The following GLIS3 variants were observed in gnomAD, a reference collection of about 807,000 sequenced individuals.
The protein encoded by GLIS3 is GLIS family zinc finger 3, also known as zinc finger protein GLIS3.
GLIS3 carries 53 observed loss-of-function variants against 78.6 expected under a neutral mutation model. That is an observed-to-expected ratio of 0.67 (90% CI 0.54 to 0.85). GLIS3 has a LOEUF of 0.85. Ranked by LOEUF, GLIS3 falls within the 40% of genes least tolerant of loss-of-function variation. The probability of loss-of-function intolerance (pLI) is 0.00; values close to 1 mark genes in which losing one functional copy is unlikely to be tolerated. For synonymous variants in GLIS3, 684 were observed against 509.9 expected, an observed-to-expected ratio of 1.34 and a Z score of -4.60; for missense variants, 1,703 against 1,231.1, an observed-to-expected ratio of 1.38 and a Z score of -5.74.
chr9:4,071,221 G>C (rs1827577509), intron 4 of GLIS3: 1 of 152,094 alleles, frequency 6.6e-6, no homozygotes, highest in Admixed American at 6.6e-5. Flanking sequence ...ATGATGTATG[G>C]GAAATGTCCC....
intron 4 of GLIS3, among the ~76,000 whole-genome samples, chr9:3,967,419 C>T (rs985614538): frequency 2.6e-5 from 4 of 152,066 alleles, no homozygotes; most frequent in Non-Finnish European, 4.4e-5. Context: ...AGGAGAATCA[C>T]TTGAACCCAG....
chr9:4,135,738 A>G (rs984794664), intron 2 of GLIS3, among the ~76,000 whole-genome samples: 1 of 152,182 alleles, frequency 6.6e-6, no homozygotes, highest in Non-Finnish European at 1.5e-5. Flanking sequence ...GAACTTTGAA[A>G]AGTATATTCT....
the GLIS3 span, among the ~76,000 whole-genome samples, chr9:4,448,729 T>G: frequency 2.0e-5 from 3 of 152,226 alleles, no homozygotes; most frequent in African/African-American, 7.2e-5. Context: ...TATGTCCTTT[T>G]GATCCCTAGC....
At chr9:4,286,703 ACT>A (rs1828033078) in intron 1 of GLIS3, among the ~76,000 whole-genome samples, 180 bp from the exon 2 acceptor site, 1 of 152,304 alleles carries the variant, frequency 6.6e-6, no homozygotes, top group Admixed American at 6.5e-5. Flanking sequence ...CCCCTTCTGC[ACT>A]CATGGTGGAC....
At chr9:4,156,942 C>A (rs1457691988) in intron 2 of GLIS3, among the ~76,000 whole-genome samples, 1 of 152,166 alleles carries the variant, frequency 6.6e-6, no homozygotes, top group Non-Finnish European at 1.5e-5. Flanking sequence ...TGTCCTCACT[C>A]CATATCTACC....
intron 2 of GLIS3, among the ~76,000 whole-genome samples, chr9:4,272,287 T>C (rs1481728289): frequency 2.0e-5 from 3 of 152,140 alleles, no homozygotes; most frequent in Non-Finnish European, 4.4e-5. Flanking sequence ...AAAATAAACA[T>C]ATGCCAGACA....
rs1234365230 is a variant in GLIS3 at position 3,911,967 on chromosome 9, T to C, written c.1984-13132A>G. Among the ~76,000 whole-genome samples, 17 of 152,276 alleles carry C rather than the reference T, an allele frequency of 1.1e-4. No homozygotes were observed. In the South Asian group the frequency reaches 3.5e-3, roughly 32 times the overall value. ...ATCAACTTTTTCCTTTTGTGTACCA[T>C]AGTGTGGCGACATGGCAAGAGGAAA... On this transcript the variant is annotated intron_variant, in intron 6 of 10. Transcript: ENST00000381971.
the GLIS3 span, among the ~76,000 whole-genome samples, chr9:4,378,886 C>T: frequency 2.0e-5 from 3 of 152,168 alleles, no homozygotes; most frequent in African/African-American, 7.2e-5. Context: ...CTGATTCTTC[C>T]TCTATGAGGT....
intron 2 of GLIS3, among the ~76,000 whole-genome samples, chr9:4,237,120 G>A (rs1335424539): frequency 1.1e-5 from 1 of 93,182 alleles, no homozygotes; most frequent in Admixed American, 1.0e-4. Flanking sequence ...TTCCTTCACT[G>A]ATTTATTTCA....
chr9:4,270,761 G>C (rs1482928131), intron 2 of GLIS3, among the ~76,000 whole-genome samples: 4 of 152,186 alleles, frequency 2.6e-5, no homozygotes, highest in African/African-American at 4.8e-5. Flanking sequence ...TTCAGCCTCA[G>C]GCTGGAACGA....
intron 4 of GLIS3, among the ~76,000 whole-genome samples, chr9:3,978,618 GTA>G (rs1421163523): frequency 6.6e-6 from 1 of 151,814 alleles, no homozygotes; most frequent in Non-Finnish European, 1.5e-5. Flanking sequence ...AATGTTATGT[GTA>G]TATGTGTGTA....
At chr9:4,369,124 C>T in the GLIS3 span, among the ~76,000 whole-genome samples, 1 of 152,032 alleles carries the variant, frequency 6.6e-6, no homozygotes, top group Non-Finnish European at 1.5e-5. Flanking sequence ...ATCAGCTTCA[C>T]CTTGGAATTT....
intron 9 of GLIS3, among the ~76,000 whole-genome samples, chr9:3,842,465 C>G (rs1001722470): frequency 7.2e-5 from 11 of 152,292 alleles, no homozygotes; most frequent in African/African-American, 2.6e-4. Context: ...AAGCAAGACT[C>G]TGTCTCAAAA....
At chr9:4,253,634 G>A (rs1005830896) in intron 2 of GLIS3, among the ~76,000 whole-genome samples, 9 of 152,100 alleles carry the variant, frequency 5.9e-5, no homozygotes, top group Non-Finnish European at 8.8e-5. Context: ...TCTCGCTAGC[G>A]TTCCATGTGC....
At chr9:4,106,974 C>A (rs1233438411) in intron 4 of GLIS3, among the ~76,000 whole-genome samples, 2 of 151,444 alleles carry the variant, frequency 1.3e-5, no homozygotes, top group Non-Finnish European at 2.9e-5. Flanking sequence ...ATTTTCCCAG[C>A]AGTGGTGATT....
chr9:3,936,869 G>C (rs1825926352), intron 5 of GLIS3, among the ~76,000 whole-genome samples, 159 bp downstream of exon 5: 1 of 152,118 alleles, frequency 6.6e-6, no homozygotes, highest in Non-Finnish European at 1.5e-5. Context: ...CAAATAAATA[G>C]GGCCCCATCT....
intron 2 of GLIS3, among the ~76,000 whole-genome samples, chr9:4,201,259 T>G (rs1453827561): frequency 6.6e-6 from 1 of 152,090 alleles, no homozygotes; most frequent in African/African-American, 2.4e-5. Flanking sequence ...AAGCATTCCC[T>G]TGAAAACTGG....
At chr9:4,301,585 A>C (rs1055965543), upstream of GLIS3, among the ~76,000 whole-genome samples, 4 of 152,216 alleles carry the variant, frequency 2.6e-5, no homozygotes, top group Admixed American at 6.5e-5. Context: ...ACTTCTGTTC[A>C]TCAGATTCTT....
At chr9:4,397,993 C>T in the GLIS3 span, among the ~76,000 whole-genome samples, 33 of 152,016 alleles carry the variant, frequency 2.2e-4, no homozygotes, top group African/African-American at 7.5e-4. Context: ...TCTGTTCTGC[C>T]CTCAAACTCA....
Sources: allele counts gnomAD v4.1 joint callset (sites outside exome capture counted in the v4.1 genomes callset), GRCh38; gene constraint gnomAD v4.1.1; transcripts MANE v1.5; gene names NCBI Gene and HGNC (gene_info 2026-07-23, HGNC 2026-07-21).